PRTG: variants seen among roughly 807,000 people sequenced by gnomAD.
The protein encoded by PRTG is protogenin, also known as immunoglobulin superfamily, DCC subclass, member 5.
Under a neutral mutation model 122.5 loss-of-function variants are expected in PRTG, and 67 were observed. The observed-to-expected ratio is 0.55, with a 90% CI of 0.45 to 0.67. The LOEUF is 0.67. Among genes scored for constraint, PRTG ranks in the 30% least tolerant of loss-of-function variants. The pLI is 0.00. For synonymous variants in PRTG, 554 were observed against 501.1 expected, an observed-to-expected ratio of 1.11 and a Z score of -1.41; for missense variants, 1,435 against 1,415.4, an observed-to-expected ratio of 1.01 and a Z score of -0.22.
intron 2 of PRTG, among the ~76,000 whole-genome samples, chr15:55,685,179 G>T (rs1338897367): frequency 6.6e-6 from 1 of 152,138 alleles, no homozygotes; most frequent in African/African-American, 2.4e-5. Context: ...GAAGAATAGA[G>T]GTAATAGGGC....
At position 55,617,382 on chromosome 15, in the gene PRTG, C is replaced by T. The variant is rs1353060447; in HGVS notation, c.*2630G>A. 6.6e-6 allele frequency: 1 copy of T among 152,060 alleles called. No homozygotes were observed. The highest frequency in any genetic ancestry group is 1.9e-4 in the East Asian group (1 of 5,200). 9.4% of individuals were successfully genotyped at this position (152,060 alleles called of 1,614,324 possible). On this transcript the variant is annotated 3_prime_UTR_variant, in exon 20 of 20. Coordinates refer to ENST00000389286, the MANE Select transcript of PRTG (RefSeq NM_173814.6). The stretch of plus-strand genomic sequence containing the variant: ...AGTATTACAACTTATTTTAAATGCT[C>T]TGGTAACAATAAGGTAGTTAACATT...
In PRTG at chr15:55,619,854, T is replaced by C; in HGVS notation, c.*158A>G. ...ATTTAATGGTGAGAATACCTGAGCA[T>C]GGCCGTCTAGATTGGAAAATCATTT... On this transcript the variant is annotated 3_prime_UTR_variant, in exon 20 of 20. Transcript: ENST00000389286. The C allele has an allele frequency of 8.0e-7, 1 of 1,244,702 alleles. No homozygotes were observed. The highest frequency in any genetic ancestry group is 1.1e-6 in the Non-Finnish European group (1 of 909,454). The allele number at this position is 1,244,702 out of a possible 1,614,324, so 77.1% of individuals were successfully genotyped here.
At chr15:55,686,468 G>C (rs372386291) in intron 2 of PRTG, among the ~76,000 whole-genome samples, 1 of 151,852 alleles carries the variant, frequency 6.6e-6, no homozygotes, top group Non-Finnish European at 1.5e-5. Flanking sequence ...CTTCTTCCAC[G>C]ACCCCACAAT....
intron 17 of PRTG, among the ~76,000 whole-genome samples, chr15:55,626,618 C>T (rs1222613586): frequency 2.0e-5 from 3 of 150,744 alleles, no homozygotes; most frequent in Non-Finnish European, 2.9e-5. Context: ...ATTAGCTGGG[C>T]GTGGTGGCGG....
Position 55,680,103 on chromosome 15 carries a change from G to A in PRTG, c.924C>T (p.Thr308=). The part of the protein sequence containing the change: ...HAGVYVCRAT[T]PGTRNFTVAM... ...CAACTGTAAAGTTGCGTGTGCCAGG[G>A]GTAGTGGCCCGACAAACATATACTC... Residue 308 remains threonine (T), a synonymous_variant, in exon 6 of 20, where the codon ACC becomes ACT. Transcript: ENST00000389286. 3 of 1,613,632 alleles carry A rather than the reference G, an allele frequency of 1.9e-6. No individual in the cohort carries two copies. Among genetic ancestry groups the A allele is most frequent in the South Asian group, 1.1e-5 (1 of 91,054 alleles).
Position 55,613,903 on chromosome 15 carries a change from C to T in PRTG, c.*6109G>A, listed in dbSNP as rs1445164015. 1 of 151,748 alleles carries T rather than the reference C, an allele frequency of 6.6e-6. No individual in the cohort carries two copies. Among genetic ancestry groups the T allele is most frequent in the Non-Finnish European group, 1.5e-5 (1 of 67,932 alleles). The allele number at this position is 151,748 out of a possible 1,614,324, so 9.4% of individuals were successfully genotyped here. The stretch of plus-strand genomic sequence containing the variant: ...TTGGCAAGAGATCAGGAAGCTGTTC[C>T]TAATCCCTAAAATGCGGATAATACT... On this transcript the variant is annotated 3_prime_UTR_variant, in exon 20 of 20. Coordinates refer to ENST00000389286, the MANE Select transcript of PRTG (RefSeq NM_173814.6).
chr15:55,726,941 A>G (rs1284089767), intron 2 of PRTG, among the ~76,000 whole-genome samples: 3 of 121,384 alleles, frequency 2.5e-5, no homozygotes, highest in African/African-American at 6.5e-5. Flanking sequence ...ACAGAGTAAG[A>G]GTCCGTCTCA....
chr15:55,655,746 G>C (rs2059376020), intron 11 of PRTG: 1 of 152,136 alleles, frequency 6.6e-6, no homozygotes, highest in Non-Finnish European at 1.5e-5. Context: ...AGTATATACT[G>C]ACTGATACAA....
chr15:55,739,976 C>T (rs1317785032), intron 2 of PRTG, among the ~76,000 whole-genome samples: 1 of 152,206 alleles, frequency 6.6e-6, no homozygotes, highest in Non-Finnish European at 1.5e-5. Context: ...AAAGATTTAG[C>T]ACTCAAGAAC....
At chr15:55,650,081 G>A (rs2059345423) in intron 11 of PRTG, among the ~76,000 whole-genome samples, 1 of 152,134 alleles carries the variant, frequency 6.6e-6, no homozygotes, top group Admixed American at 6.5e-5. Context: ...GCTGGTTTGG[G>A]AATTTGGAGA....
intron 11 of PRTG, among the ~76,000 whole-genome samples, chr15:55,662,532 C>T (rs554060687): frequency 1.2e-4 from 18 of 152,252 alleles, no homozygotes; most frequent in African/African-American, 3.6e-4. Context: ...ATTAAAAATT[C>T]CTCCATCTTT....
At chr15:55,691,639 C>T (rs1407902798) in intron 2 of PRTG, among the ~76,000 whole-genome samples, 1 of 151,356 alleles carries the variant, frequency 6.6e-6, no homozygotes, top group African/African-American at 2.4e-5. Context: ...CGAGATCGTG[C>T]CACTGTATTC....
At chr15:55,671,680 T>A (rs372151735) in intron 11 of PRTG, among the ~76,000 whole-genome samples, 1 of 152,096 alleles carries the variant, frequency 6.6e-6, no homozygotes, top group East Asian at 1.9e-4. Context: ...TGTATTTTTT[T>A]AGTAGAGACA....
intron 2 of PRTG, among the ~76,000 whole-genome samples, chr15:55,717,378 T>C (rs1469473987): frequency 6.6e-6 from 1 of 152,226 alleles, no homozygotes; most frequent in East Asian, 1.9e-4. Flanking sequence ...AAAGGCTTTC[T>C]CTTGATGATT....
intron 15 of PRTG, among the ~76,000 whole-genome samples, chr15:55,632,068 C>A (rs1023655961): frequency 1.3e-5 from 2 of 152,124 alleles, no homozygotes; most frequent in African/African-American, 4.8e-5. Context: ...AGATCCACAG[C>A]CTTAAACATC....
chr15:55,697,400 C>T (rs1260294906), intron 2 of PRTG, among the ~76,000 whole-genome samples: 1 of 152,220 alleles, frequency 6.6e-6, no homozygotes, highest in Non-Finnish European at 1.5e-5. Context: ...CACATCACCA[C>T]CTCCCTCCTA....
At chr15:55,732,526 C>T (rs2031270931) in intron 2 of PRTG, among the ~76,000 whole-genome samples, 1 of 143,090 alleles carries the variant, frequency 7.0e-6, no homozygotes, top group Non-Finnish European at 1.5e-5. Context: ...CGGAGTTTCG[C>T]TCTTGCTGCC....
At chr15:55,724,590 A>T (rs1456028898) in intron 2 of PRTG, among the ~76,000 whole-genome samples, 1 of 146,766 alleles carries the variant, frequency 6.8e-6, no homozygotes, top group Non-Finnish European at 1.5e-5. Context: ...GTCTCTACTT[A>T]AAAAAAAAAA....
Position 55,624,338 on chromosome 15 carries a change from G to A in PRTG, c.3093+4C>T, listed in dbSNP as rs371270664. ...CTTATGCAGCAAATCCCGCAGCTCA[G>A]TACCTTTGCATCAATGAAGCTGTTT... On this transcript the variant is annotated splice_donor_region_variant and intron_variant, in intron 18 of 19. Transcript: ENST00000389286. 3.7e-6 allele frequency: 6 copies of A among 1,613,450 alleles called. No individual in the cohort carries two copies. Among genetic ancestry groups the A allele is most frequent in the East Asian group, 4.5e-5 (2 of 44,872 alleles).
Sources: gnomAD v4.1 joint callset for allele counts (sites outside exome capture counted in the v4.1 genomes callset) on GRCh38, gnomAD v4.1.1 for gene constraint, MANE v1.5 for transcripts, NCBI Gene and HGNC (gene_info 2026-07-23, HGNC 2026-07-21) for gene names.